BTBD9: variants seen among roughly 807,000 people sequenced by gnomAD.
The protein encoded by BTBD9 is BTB domain containing 9.
A neutral mutation model predicts 64.3 loss-of-function variants in BTBD9; 49 were observed. The observed-to-expected ratio is 0.76, with a 90% CI of 0.61 to 0.97. BTBD9 has a LOEUF of 0.97. Ranked by LOEUF, BTBD9 falls within the 50% of genes least tolerant of loss-of-function variation. The probability of loss-of-function intolerance (pLI) is 0.00; values close to 1 mark genes in which losing one functional copy is unlikely to be tolerated. For synonymous variants in BTBD9, 260 were observed against 274.7 expected (o/e 0.95, Z 0.53); for missense variants, 598 against 762.1 (o/e 0.78, Z 2.53).
intron 1 of BTBD9, among the ~76,000 whole-genome samples, chr6:38,633,372 G>A (rs2127534533): frequency 6.6e-6 from 1 of 152,298 alleles, no homozygotes; most frequent in South Asian, 2.1e-4. Context: ...TACCTTATTA[G>A]TAAAATGGAG....
intron 6 of BTBD9, among the ~76,000 whole-genome samples, chr6:38,434,341 T>C (rs965072278): frequency 9.9e-5 from 15 of 151,940 alleles, no homozygotes; most frequent in Admixed American, 8.5e-4. Context: ...GGAACCTTGG[T>C]CTCCACAATC....
At chr6:38,215,110 CTTTCTGATTCTA>C (rs1236349835) in intron 9 of BTBD9, among the ~76,000 whole-genome samples, 1 of 152,178 alleles carries the variant, frequency 6.6e-6, no homozygotes, top group Non-Finnish European at 1.5e-5. Context: ...ACCAGTAACT[CTTTCTGATTCTA>C]TTGTCAGGCT....
chr6:38,595,562 T>A (rs1035960410), intron 2 of BTBD9, among the ~76,000 whole-genome samples: 2 of 151,908 alleles, frequency 1.3e-5, no homozygotes, highest in African/African-American at 2.4e-5. Context: ...GAATACAGAA[T>A]GAGAAAGAAA....
chr6:38,448,814 G>A (rs9380753), intron 6 of BTBD9, among the ~76,000 whole-genome samples: 34,042 of 152,016 alleles, frequency 0.22, 4,368 homozygotes, highest in East Asian at 0.51. Flanking sequence ...CACCGCACCC[G>A]GCCCCTTGCT....
At chr6:38,228,868 G>A (rs545866759) in intron 9 of BTBD9, among the ~76,000 whole-genome samples, 48 of 149,154 alleles carry the variant, frequency 3.2e-4, no homozygotes, top group Non-Finnish European at 5.8e-4. Context: ...GCGAGGCTCC[G>A]TCTCAAAAAA....
intron 6 of BTBD9, among the ~76,000 whole-genome samples, chr6:38,485,055 C>T (rs1771334452): frequency 6.6e-6 from 1 of 152,218 alleles, no homozygotes; most frequent in Non-Finnish European, 1.5e-5. Flanking sequence ...CCTACTACTG[C>T]TTTATCAACT....
chr6:38,619,738 A>T lies in BTBD9; in HGVS notation c.-28+20062T>A, dbSNP rs142419727. On this transcript the variant is annotated intron_variant, in intron 1 of 10. Coordinates refer to ENST00000481247, the MANE Select transcript of BTBD9 (RefSeq NM_001099272.2). ...CTTTCTCAGTGTTAATCTGCCCTGG[A>T]TGGCTGTCCCCAAGGTACATTACCA... 1.0e-3 allele frequency among the ~76,000 whole-genome samples: 159 copies of T among 152,290 alleles called. 2 individuals carry two copies. The East Asian group carries it at 0.024, about 23-fold the overall frequency.
At chr6:38,623,039 A>AC (rs1418600319) in intron 1 of BTBD9, among the ~76,000 whole-genome samples, 1 of 151,998 alleles carries the variant, frequency 6.6e-6, no homozygotes, top group African/African-American at 2.4e-5. Context: ...TGCTCCCAAC[A>AC]CCCCTTTCCA....
At chr6:38,360,256 T>G (rs996233490) in intron 6 of BTBD9, among the ~76,000 whole-genome samples, 3 of 152,196 alleles carry the variant, frequency 2.0e-5, no homozygotes, top group African/African-American at 7.2e-5. Context: ...ATAATACATG[T>G]GTTAAGTGGT....
At chr6:38,508,130 G>A (rs191133723) in intron 6 of BTBD9, among the ~76,000 whole-genome samples, 18 of 152,084 alleles carry the variant, frequency 1.2e-4, no homozygotes, top group African/African-American at 4.3e-4. Flanking sequence ...ACCGCACCCG[G>A]CCATGTCTCC....
chr6:38,363,745 G>GC (rs1765071736), intron 6 of BTBD9, among the ~76,000 whole-genome samples: 1 of 152,118 alleles, frequency 6.6e-6, no homozygotes, highest in African/African-American at 2.4e-5. Context: ...GGTTTGAGAG[G>GC]CATATTACTG....
At chr6:38,388,219 CAAAA>C (rs35755281) in intron 6 of BTBD9, among the ~76,000 whole-genome samples, 2 of 102,546 alleles carry the variant, frequency 2.0e-5, no homozygotes, top group Non-Finnish European at 2.3e-5. Context: ...CTGCCCCTGA[CAAAA>C]AAAAAAAAAA....
At chr6:38,329,744 C>G (rs1026051248) in intron 7 of BTBD9, among the ~76,000 whole-genome samples, 12 of 152,082 alleles carry the variant, frequency 7.9e-5, no homozygotes, top group African/African-American at 2.9e-4. Context: ...CACTTGAGGT[C>G]AGGAGTTCGA....
At chr6:38,362,824 A>G (rs1472171695) in intron 6 of BTBD9, among the ~76,000 whole-genome samples, 2 of 152,168 alleles carry the variant, frequency 1.3e-5, no homozygotes, top group African/African-American at 2.4e-5. Flanking sequence ...GAATTAAATA[A>G]CCATGATATG....
rs199642623 is a variant in BTBD9, at chr6:38,274,889, C to T, written c.1454+13383G>A. 1.5e-3 allele frequency among the ~76,000 whole-genome samples: 229 copies of T among 152,204 alleles called. 4 individuals carry two copies. The East Asian group carries it at 0.032, about 22-fold the overall frequency. ...GCTTTGGTATCAGGATGATGCTGGCCTCATAAAATGAGTTAGGGAGGATTC... is the reference window on the plus strand; with the variant it reads ...GCTTTGGTATCAGGATGATGCTGGCTTCATAAAATGAGTTAGGGAGGATTC... On this transcript the variant is annotated intron_variant, in intron 8 of 10. Coordinates refer to ENST00000481247, the MANE Select transcript of BTBD9 (RefSeq NM_001099272.2).
In BTBD9 at chr6:38,594,367, T is replaced by C. The variant is rs375802091; in HGVS notation, c.186-40A>G. ...AGAAACACATGAAGAAACCCTCAAATAGGATTTGCTACAAAATATTGGAAA... is the reference window on the plus strand; with the variant it reads ...AGAAACACATGAAGAAACCCTCAAACAGGATTTGCTACAAAATATTGGAAA... On this transcript the variant is annotated intron_variant, in intron 2 of 10. Transcript: ENST00000481247. The C allele has an allele frequency of 5.6e-5, 86 of 1,528,702 alleles. No homozygotes were observed. In the African/African-American group the frequency reaches 7.6e-4, roughly 14 times the overall value. 94.7% of individuals were successfully genotyped at this position (1,528,702 alleles called of 1,614,324 possible).
At chr6:38,556,165 T>C (rs929645339) in intron 6 of BTBD9, among the ~76,000 whole-genome samples, 3 of 152,166 alleles carry the variant, frequency 2.0e-5, no homozygotes, top group African/African-American at 7.2e-5. Flanking sequence ...ACTAGAAAGG[T>C]TTCTCAGGGA....
At chr6:38,605,427 CAAAT>C (rs1447155476) in intron 1 of BTBD9, among the ~76,000 whole-genome samples, 5 of 152,118 alleles carry the variant, frequency 3.3e-5, no homozygotes, top group Non-Finnish European at 5.9e-5. Flanking sequence ...TTTGTGTCAT[CAAAT>C]AAATAGGTGA....
At chr6:38,315,839 C>T (rs1763009127) in intron 7 of BTBD9, among the ~76,000 whole-genome samples, 1 of 152,146 alleles carries the variant, frequency 6.6e-6, no homozygotes, top group Non-Finnish European at 1.5e-5. Flanking sequence ...TGGTCTATAG[C>T]ACAGAGTAAG....
Sources: allele counts gnomAD v4.1 joint callset (sites outside exome capture counted in the v4.1 genomes callset), GRCh38; gene constraint gnomAD v4.1.1; transcripts MANE v1.5; gene names NCBI Gene and HGNC (gene_info 2026-07-23, HGNC 2026-07-21).